The following OSBPL5 variants were observed in gnomAD, a reference collection of about 807,000 sequenced individuals.
OSBPL5 encodes the protein oxysterol binding protein like 5, also known as oxysterol-binding protein-related protein 5.
In OSBPL5, 71 loss-of-function variants were observed where a neutral mutation model predicts 111.2. The observed-to-expected ratio is 0.64, with a 90% confidence interval of 0.53 to 0.78. OSBPL5 has a LOEUF of 0.78. Ranked by LOEUF, OSBPL5 falls within the 30% of genes least tolerant of loss-of-function variation. The pLI, the probability that OSBPL5 is intolerant of heterozygous loss-of-function variation, is 0.00. For synonymous variants in OSBPL5, 549 were observed against 513.9 expected (o/e 1.07, Z -0.93); for missense variants, 1,210 against 1,189.3 (o/e 1.02, Z -0.26).
At position 3,124,155 on chromosome 11, in the gene OSBPL5, G is replaced by A. The variant is rs147757918; in HGVS notation, c.220-1727C>T. Among the ~76,000 whole-genome samples, 182 of 152,294 alleles carry A rather than the reference G, an allele frequency of 1.2e-3. 1 individual carries two copies. The highest frequency in any genetic ancestry group is 0.01 in the Middle Eastern group (3 of 294). On this transcript the variant is annotated intron_variant, in intron 3 of 21. Coordinates refer to ENST00000263650, the MANE Select transcript of OSBPL5 (RefSeq NM_020896.4). ...AGCATTGTACAGAGGAAGAGCCTAC[G>A]CACAGAGAGGTTCAGAAACCTGCCC...
rs945516799 is a variant in OSBPL5 at position 3,100,162 on chromosome 11, G to A, written c.1617C>T (p.Cys539=). 3 of 1,613,848 alleles carry A rather than the reference G, an allele frequency of 1.9e-6. No individual in the cohort carries two copies. The highest frequency in any genetic ancestry group is 1.7e-5 in the Admixed American group (1 of 59,976). The change falls in exon 14 of 22, where the codon TGC becomes TGT. Residue 539 remains cysteine, a synonymous_variant. Coordinates refer to ENST00000263650, the MANE Select transcript of OSBPL5 (RefSeq NM_020896.4). ...DYTLTMPYAH[C]KGILYGTMTL... ...GTGTGTGGCTGAGCCTCTCACCTTTGCAGTGGGCGTAGGGCATGGTAAGGG... is the reference window on the plus strand; with the variant it reads ...GTGTGTGGCTGAGCCTCTCACCTTTACAGTGGGCGTAGGGCATGGTAAGGG...
In OSBPL5 at chr11:3,126,119, C is replaced by T. The variant is rs939362703; in HGVS notation, c.219+354G>A. Among the ~76,000 whole-genome samples, 2 of 152,138 alleles carry T rather than the reference C, an allele frequency of 1.3e-5. No individual in the cohort carries two copies. Among genetic ancestry groups the T allele is most frequent in the East Asian group, 3.9e-4 (2 of 5,194 alleles). ...CTGGGAAAGGAGTTTGGCAGTTCCT[C>T]CAAAAGTTAAACAGACAATTTTGAG... On this transcript the variant is annotated intron_variant, in intron 3 of 21. Coordinates refer to ENST00000263650, the MANE Select transcript of OSBPL5 (RefSeq NM_020896.4). This position sits in a 1 kb window ranked among gnomAD's most constrained non-coding sequence, Gnocchi z 6.5.
intron 1 of OSBPL5, among the ~76,000 whole-genome samples, chr11:3,153,993 C>T (rs979616752): frequency 1.3e-5 from 2 of 152,232 alleles, no homozygotes; most frequent in African/African-American, 4.8e-5. Context: ...CGCCGTCAGC[C>T]CCGCACACAC....
rs1846160630 is a variant in OSBPL5 at position 3,142,593 on chromosome 11, G to A, written c.-21-13424C>T. Among the ~76,000 whole-genome samples, 2 of 152,348 alleles carry A rather than the reference G, an allele frequency of 1.3e-5. No homozygotes were observed. Among genetic ancestry groups the A allele is most frequent in the South Asian group, 4.1e-4 (2 of 4,832 alleles). On this transcript the variant is annotated intron_variant, in intron 1 of 21. Coordinates refer to ENST00000263650, the MANE Select transcript of OSBPL5 (RefSeq NM_020896.4). This position sits in a 1 kb window ranked among gnomAD's most constrained non-coding sequence, Gnocchi z 7.1. Reference sequence around the variant, plus strand: ...ATGAATGACTCCATCCTACAGGTCTGAGAGTCACCGTCTCGCGGGTGGAGA... The same window carrying A: ...ATGAATGACTCCATCCTACAGGTCTAAGAGTCACCGTCTCGCGGGTGGAGA...
intron 1 of OSBPL5, among the ~76,000 whole-genome samples, chr11:3,131,504 C>A (rs1248795518): frequency 6.7e-6 from 1 of 150,180 alleles, no homozygotes; most frequent in Non-Finnish European, 1.5e-5. Context: ...ACCATCCTCC[C>A]ATCTATCCAT....
At position 3,158,403 on chromosome 11, in the gene OSBPL5, CT is replaced by C. The variant is rs1313599145; in HGVS notation, c.-22+6812del. Among the ~76,000 whole-genome samples the C allele has an allele frequency of 2.6e-5, 4 of 152,396 alleles. No individual in the cohort carries two copies. In the East Asian group the frequency reaches 7.7e-4, roughly 29 times the overall value. The stretch of plus-strand genomic sequence containing the variant: ...GCGCTCCTACAAAGCACAAACGGCT[CT>C]TGGTGCCCACACTGGCACCTGCTTT... On this transcript the variant is annotated intron_variant, in intron 1 of 21. Coordinates refer to ENST00000263650, the MANE Select transcript of OSBPL5 (RefSeq NM_020896.4).
rs757301069 is a variant in OSBPL5 at position 3,093,831 on chromosome 11, A to C, written c.1724T>G (p.Phe575Cys). Reference protein sequence around the residue: ...QAQLEFKLKPFFGGSTSINQI... With the variant: ...QAQLEFKLKPCFGGSTSINQI... ...GTTGATGCTGGTGCTACCCCCGAAGAAGGGCTGCGGGGCCACACCCAGAAC... is the reference window on the plus strand; with the variant it reads ...GTTGATGCTGGTGCTACCCCCGAAGCAGGGCTGCGGGGCCACACCCAGAAC... The change falls in exon 16 of 22, where the codon TTC becomes TGC. Residue 575 changes from phenylalanine to cysteine, a missense_variant. Transcript: ENST00000263650. 20 of 1,611,190 alleles carry C rather than the reference A, an allele frequency of 1.2e-5. No homozygotes were observed. The highest frequency in any genetic ancestry group is 1.7e-5 in the Non-Finnish European group (20 of 1,179,706).
Position 3,121,669 on chromosome 11 carries a change from A to G in OSBPL5, c.402+328T>C, listed in dbSNP as rs1858422421. On this transcript the variant is annotated intron_variant, in intron 5 of 21. Coordinates refer to ENST00000263650, the MANE Select transcript of OSBPL5 (RefSeq NM_020896.4). The surrounding 1 kb of genome is among the most constrained non-coding windows in gnomAD (Gnocchi z 4.3). ...TGTGGGGTCCTCTCCCAGAAGCCAG[A>G]GCAATGTCTCCCTCCCCAGCGCCCT... 1 of 347,190 alleles carries G rather than the reference A, an allele frequency of 2.9e-6. No homozygotes were observed. Among genetic ancestry groups the G allele is most frequent in the South Asian group, 3.2e-5 (1 of 30,790 alleles). The allele number at this position is 347,190 out of a possible 1,614,324, so 21.5% of individuals were successfully genotyped here.
Position 3,088,249 on chromosome 11 carries a change from C to G in OSBPL5, c.2596G>C (p.Val866Leu), listed in dbSNP as rs550331772. The G allele has an allele frequency of 6.2e-7, 1 of 1,606,052 alleles. No homozygotes were observed. The highest frequency in any genetic ancestry group is 1.1e-5 in the South Asian group (1 of 89,600). The change falls in exon 22 of 22, where the codon GTG becomes CTG. Residue 866 changes from valine (V) to leucine (L), a missense_variant. Physicochemically the swap from Val to Leu is conservative, Grantham distance 32 (BLOSUM62 1). Transcript: ENST00000263650. Reference sequence around the variant, plus strand: ...ATGAACAGCTGACACGCCAGGAACACGCAGAGCAGGAACCAGGATCGGGGG... The same window carrying G: ...ATGAACAGCTGACACGCCAGGAACAGGCAGAGCAGGAACCAGGATCGGGGG... ...QSPRSWFLLC[V>L]FLACQLFINH...
At chr11:3,158,780 G>A (rs941868659) in intron 1 of OSBPL5, among the ~76,000 whole-genome samples, 6 of 152,226 alleles carry the variant, frequency 3.9e-5, no homozygotes, top group African/African-American at 1.4e-4. Context: ...AACCTGGGGT[G>A]CATCCTCAAG....
intron 1 of OSBPL5, among the ~76,000 whole-genome samples, chr11:3,138,687 C>T (rs989169964): frequency 1.3e-5 from 2 of 152,248 alleles, no homozygotes; most frequent in African/African-American, 4.8e-5. Context: ...TGGGTGGTGC[C>T]AGTGCCCCCT....
chr11:3,140,001 C>A lies in OSBPL5; in HGVS notation c.-21-10832G>T, dbSNP rs940878676. On this transcript the variant is annotated intron_variant, in intron 1 of 21. Transcript: ENST00000263650. The surrounding 1 kb of genome is among the most constrained non-coding windows in gnomAD (Gnocchi z 4.5). ...GAGGTGCCCCCCCTGCTCTGAGAAG[C>A]CAGCCTCACAAGATCATTCATCGCA... 6.6e-6 allele frequency among the ~76,000 whole-genome samples: 1 copy of A among 152,214 alleles called. No individual in the cohort carries two copies. Among genetic ancestry groups the A allele is most frequent in the Non-Finnish European group, 1.5e-5 (1 of 68,026 alleles).
chr11:3,145,702 C>G (rs60486128), intron 1 of OSBPL5, among the ~76,000 whole-genome samples: 1 of 152,172 alleles, frequency 6.6e-6, no homozygotes, highest in African/African-American at 2.4e-5. Flanking sequence ...GCAGGGCCAG[C>G]GAGGCATTTA....
At chr11:3,103,932 A>AGCCCCTT (rs1185124256) in intron 10 of OSBPL5, among the ~76,000 whole-genome samples, 1 of 136,096 alleles carries the variant, frequency 7.3e-6, no homozygotes, top group Admixed American at 7.7e-5. Context: ...AGCCCATCCC[A>AGCCCCTT]TCCAGCTCGA....
intron 7 of OSBPL5, among the ~76,000 whole-genome samples, chr11:3,115,873 C>CTTTTTTTTTTTTTTTT (rs369499437): frequency 6.9e-6 from 1 of 143,994 alleles, no homozygotes; most frequent in African/African-American, 2.5e-5. Flanking sequence ...AGGCTTTTGC[C>CTTTTTTTTTTTTTTTT]TTTTTTTTTT....
In OSBPL5 at chr11:3,113,205, T is replaced by G. The variant is rs1019539098; in HGVS notation, c.692-5260A>C. On this transcript the variant is annotated intron_variant, in intron 7 of 21. Transcript: ENST00000263650. This position sits in a 1 kb window ranked among gnomAD's most constrained non-coding sequence, Gnocchi z 4.8. ...TTTAATAAATAAGCTAGCTTTAAAA[T>G]TATTGGTAAAGTAATATTAGAAATG... Among the ~76,000 whole-genome samples the G allele has an allele frequency of 6.6e-6, 1 of 152,216 alleles. No individual in the cohort carries two copies. The highest frequency in any genetic ancestry group is 1.5e-5 in the Non-Finnish European group (1 of 68,032).
chr11:3,147,137 C>T (rs1163693027), intron 1 of OSBPL5, among the ~76,000 whole-genome samples: 9 of 94,502 alleles, frequency 9.5e-5, no homozygotes, highest in South Asian at 3.7e-4. Context: ...TCAAGAGGAC[C>T]GGGCGGGTGG....
intron 1 of OSBPL5, among the ~76,000 whole-genome samples, chr11:3,135,692 C>G (rs1286436159): frequency 1.3e-5 from 2 of 152,242 alleles, no homozygotes; most frequent in African/African-American, 4.8e-5. Flanking sequence ...GAGACCACAG[C>G]TAAGACACCG....
rs1857826928 is a variant in OSBPL5 at position 3,109,303 on chromosome 11, C to T, written c.692-1358G>A. ...CCATGTTGGCCAGGCTGGTCTCAAC[C>T]TCTGGGCCTCAAGTGATCTGCGTCG... On this transcript the variant is annotated intron_variant, in intron 7 of 21. Transcript: ENST00000263650. This position sits in a 1 kb window ranked among gnomAD's most constrained non-coding sequence, Gnocchi z 7.4. Among the ~76,000 whole-genome samples, 1 of 151,866 alleles carries T rather than the reference C, an allele frequency of 6.6e-6. No individual in the cohort carries two copies. Among genetic ancestry groups the T allele is most frequent in the Non-Finnish European group, 1.5e-5 (1 of 67,954 alleles).
Sources: gnomAD v4.1 joint callset for allele counts (sites outside exome capture counted in the v4.1 genomes callset) on GRCh38, gnomAD v4.1.1 for gene constraint, Gnocchi (gnomAD v3.1) non-coding constraint, MANE v1.5 for transcripts, NCBI Gene and HGNC (gene_info 2026-07-23, HGNC 2026-07-21) for gene names.